The following MYO5B variants were observed in gnomAD, a reference collection of about 807,000 sequenced individuals.
The protein encoded by MYO5B is unconventional myosin-Vb.
Under a neutral mutation model 229.3 loss-of-function variants are expected in MYO5B, and 143 were observed. The ratio of observed to expected loss-of-function variants is 0.62; its 90% CI spans 0.54 to 0.72. The LOEUF (loss-of-function observed/expected upper bound fraction) is 0.72, where lower values mean the gene tolerates loss of function less well. MYO5B is among the 30% of genes least tolerant of loss of function. The probability of loss-of-function intolerance (pLI) is 0.00; values close to 1 mark genes in which losing one functional copy is unlikely to be tolerated. For missense variants in MYO5B, 2,321 were observed against 2,331.0 expected, an observed-to-expected ratio of 1.00 and a Z score of 0.09; for synonymous variants, 918 against 885.2, an observed-to-expected ratio of 1.04 and a Z score of -0.66.
intron 38 of MYO5B, 26 bp downstream of exon 38, chr18:49,836,685 T>C (rs375446662): frequency 6.4e-5 from 103 of 1,613,520 alleles, no homozygotes; most frequent in Non-Finnish European, 8.0e-5. Flanking sequence ...GAATACCATG[T>C]TGACAGAGGT....
chr18:50,000,074 G>A lies in MYO5B; in HGVS notation c.612+1181C>T, dbSNP rs531617970. On this transcript the variant is annotated intron_variant, in intron 5 of 39. Coordinates refer to ENST00000285039, the MANE Select transcript of MYO5B (RefSeq NM_001080467.3). ...GTCCTCAAAGTAACGCAACTCTGAA[G>A]GCAGGAGATTTTGCCTGGATAATCA... Among the ~76,000 whole-genome samples the A allele has an allele frequency of 8.3e-4, 127 of 152,312 alleles. 1 individual carries two copies. Among genetic ancestry groups the A allele is most frequent in the Admixed American group, 1.8e-3 (27 of 15,298 alleles).
intron 29 of MYO5B, 33 bp from the exon 30 acceptor site, chr18:49,856,923 A>G: frequency 1.3e-6 from 2 of 1,564,254 alleles, no homozygotes; most frequent in Non-Finnish European, 1.8e-6. Context: ...CAGGGTGTCC[A>G]GTGTAGACGG....
chr18:49,915,766 C>T (rs988484828), intron 17 of MYO5B, among the ~76,000 whole-genome samples: 10 of 152,200 alleles, frequency 6.6e-5, no homozygotes, highest in Non-Finnish European at 1.2e-4. Context: ...AACTTAATGC[C>T]GGAACCCTGG....
intron 28 of MYO5B, 139 bp from the exon 29 acceptor site, chr18:49,863,466 C>T (rs909841189): frequency 2.3e-5 from 17 of 747,094 alleles, no homozygotes; most frequent in South Asian, 1.2e-4. Flanking sequence ...ATCAAACCCA[C>T]GCCAGGAACA....
intron 1 of MYO5B, among the ~76,000 whole-genome samples, chr18:50,075,361 A>G (rs916620778): frequency 1.3e-5 from 2 of 152,210 alleles, no homozygotes; most frequent in Non-Finnish European, 2.9e-5. Context: ...TTAAACACCT[A>G]CATATACACA....
intron 4 of MYO5B, among the ~76,000 whole-genome samples, chr18:50,011,820 C>T (rs984393424): frequency 6.6e-6 from 1 of 152,076 alleles, no homozygotes; most frequent in Non-Finnish European, 1.5e-5. Context: ...AAACACTCAT[C>T]TGAATGTGTC....
At chr18:50,018,755 G>A (rs2026243343) in intron 4 of MYO5B, among the ~76,000 whole-genome samples, 1 of 152,148 alleles carries the variant, frequency 6.6e-6, no homozygotes, top group South Asian at 2.1e-4. Flanking sequence ...GATGATAAAG[G>A]GGGATGCTAG....
chr18:50,098,485 A>G (rs2031595429), intron 1 of MYO5B, among the ~76,000 whole-genome samples: 1 of 152,196 alleles, frequency 6.6e-6, no homozygotes, highest in African/African-American at 2.4e-5. Flanking sequence ...AAGCAAATAC[A>G]CAACAAGGAA....
intron 17 of MYO5B, among the ~76,000 whole-genome samples, chr18:49,916,723 A>G (rs1473898540): frequency 6.6e-6 from 1 of 152,080 alleles, no homozygotes; most frequent in Non-Finnish European, 1.5e-5. Context: ...AGGAGGGACC[A>G]AGAGAGTTCA....
intron 10 of MYO5B, among the ~76,000 whole-genome samples, chr18:49,966,587 C>T (rs1325658264): frequency 6.6e-6 from 1 of 152,208 alleles, no homozygotes; most frequent in Non-Finnish European, 1.5e-5. Flanking sequence ...AAGAGCCACC[C>T]CAGCAATTGG....
intron 36 of MYO5B, among the ~76,000 whole-genome samples, chr18:49,838,893 G>GA (rs2024022688): frequency 6.6e-6 from 1 of 152,200 alleles, no homozygotes; most frequent in South Asian, 2.1e-4. Context: ...TAAAATTTGG[G>GA]AAAAAATACA....
intron 1 of MYO5B, among the ~76,000 whole-genome samples, chr18:50,095,227 A>G (rs1717077529): frequency 6.6e-6 from 1 of 152,208 alleles, no homozygotes; most frequent in Non-Finnish European, 1.5e-5. Flanking sequence ...TTTCCACTGA[A>G]GTATCTTCTA....
intron 1 of MYO5B, among the ~76,000 whole-genome samples, chr18:50,092,975 G>A (rs975022600): frequency 2.0e-5 from 3 of 152,162 alleles, no homozygotes; most frequent in African/African-American, 7.2e-5. Context: ...AAAGCAAATG[G>A]CAGAAGAAAC....
At position 50,085,540 on chromosome 18, in the gene MYO5B, T is replaced by C. The variant is rs563066715; in HGVS notation, c.28-30162A>G. Among the ~76,000 whole-genome samples, 32 of 152,178 alleles carry C rather than the reference T, an allele frequency of 2.1e-4. No individual in the cohort carries two copies. The South Asian group carries it at 4.0e-3, about 19-fold the overall frequency. On this transcript the variant is annotated intron_variant, in intron 1 of 39. Coordinates refer to ENST00000285039, the MANE Select transcript of MYO5B (RefSeq NM_001080467.3). ...CAGGGATCTAGAACTAGAAATACCA[T>C]TTGACCCAGCCATCCCATTACTGGG... is the stretch of plus-strand genomic sequence containing the variant.
intron 1 of MYO5B, among the ~76,000 whole-genome samples, chr18:50,111,830 C>A (rs2031870159): frequency 6.6e-6 from 1 of 152,210 alleles, no homozygotes; most frequent in South Asian, 2.1e-4. Flanking sequence ...GAAGACTCTG[C>A]CTCTTATCAA....
At chr18:50,126,354 C>G (rs1230972695) in intron 1 of MYO5B, 1 of 153,878 alleles carries the variant, frequency 6.5e-6, no homozygotes, top group Middle Eastern at 7.5e-4. Context: ...AACAAAACAG[C>G]CTCTAGCCCT....
At chr18:49,963,059 C>A in intron 10 of MYO5B, 29 bp from the exon 11 acceptor site, 1 of 1,587,042 alleles carries the variant, frequency 6.3e-7, no homozygotes, top group Non-Finnish European at 8.7e-7. Flanking sequence ...AGATAAGAGA[C>A]GTCTCCTTTC....
At position 49,863,273 on chromosome 18, in the gene MYO5B, G is replaced by C. The variant is rs2024353698; in HGVS notation, c.3898C>G (p.Gln1300Glu). The change falls in exon 29 of 40, where the codon CAG becomes GAG. Residue 1300 changes from glutamine (Q) to glutamate (E), a missense_variant. This residue lies in a region of MYO5B where 2,113 missense variants were observed against 2,044.7 expected (regional missense o/e 1.03). Transcript: ENST00000285039. Reference protein sequence around the residue: ...SWPNSEKHVDQEDAIEAYHGV... With the variant: ...SWPNSEKHVDEEDAIEAYHGV... The stretch of plus-strand genomic sequence containing the variant: ...TGATAGGCCTCAATGGCATCCTCCT[G>C]GTCAACATGCTTTTCACTGTTAGGC... 4 of 1,613,584 alleles carry C rather than the reference G, an allele frequency of 2.5e-6. No homozygotes were observed. The highest frequency in any genetic ancestry group is 2.7e-5 in the African/African-American group (2 of 74,976).
intron 17 of MYO5B, among the ~76,000 whole-genome samples, chr18:49,924,428 C>T (rs542835992): frequency 3.3e-5 from 5 of 152,314 alleles, no homozygotes; most frequent in African/African-American, 1.2e-4. Flanking sequence ...CAAGATCACC[C>T]AGCCAAGAAG....
Sources: gnomAD v4.1 joint callset for allele counts (sites outside exome capture counted in the v4.1 genomes callset) on GRCh38, gnomAD v4.1.1 for gene constraint, gnomAD v4.1.1 regional missense constraint, MANE v1.5 for transcripts, NCBI Gene and HGNC (gene_info 2026-07-23, HGNC 2026-07-21) for gene names.